Variants in KMT2A observed in about 807,000 individuals in gnomAD.
KMT2A encodes the protein lysine methyltransferase 2A.
A neutral mutation model predicts 345.3 loss-of-function variants in KMT2A; 16 were observed. That is an observed-to-expected ratio of 0.05 (90% CI 0.03 to 0.07). The LOEUF is 0.07. Among genes scored for constraint, KMT2A ranks in the 10% least tolerant of loss-of-function variants. KMT2A has a pLI of 1.00. For synonymous variants in KMT2A, 1,599 were observed against 1,778.6 expected, an observed-to-expected ratio of 0.90 and a Z score of 2.54; for missense variants, 3,272 against 4,841.6, an observed-to-expected ratio of 0.68 and a Z score of 9.62.
chr11:118,501,437 C>T (rs1950498644), intron 25 of KMT2A, among the ~76,000 whole-genome samples: 1 of 151,834 alleles, frequency 6.6e-6, no homozygotes, highest in Admixed American at 6.6e-5. Context: ...CCACTGCCCT[C>T]CAGCCTGGGT....
intron 1 of KMT2A, among the ~76,000 whole-genome samples, chr11:118,452,691 T>C (rs773347246): frequency 4.7e-4 from 70 of 149,958 alleles, no homozygotes; most frequent in Non-Finnish European, 9.3e-4. Flanking sequence ...TGGAGTGCAG[T>C]GGCGCCATCT....
At chr11:118,437,712 A>AGC (rs1314101683) in intron 1 of KMT2A, among the ~76,000 whole-genome samples, 4 of 145,882 alleles carry the variant, frequency 2.7e-5, no homozygotes, top group Non-Finnish European at 4.5e-5. Context: ...TACAGTTTCT[A>AGC]GCCTATTGGT....
At chr11:118,483,610 C>G (rs1453815878) in intron 8 of KMT2A, among the ~76,000 whole-genome samples, 1 of 152,160 alleles carries the variant, frequency 6.6e-6, no homozygotes, top group Admixed American at 6.5e-5. Context: ...TTTGTGGCCC[C>G]ACATGTTCTA....
chr11:118,507,861 G>T, intron 28 of KMT2A: 1 of 379,052 alleles, frequency 2.6e-6, no homozygotes, highest in African/African-American at 2.0e-5. Context: ...CACTCAGGAG[G>T]CTGAGGCAGG....
At chr11:118,467,746 C>T (rs549374911) in intron 1 of KMT2A, among the ~76,000 whole-genome samples, 33 of 152,294 alleles carry the variant, frequency 2.2e-4, no homozygotes, top group African/African-American at 6.7e-4. Context: ...TCTTACCTCT[C>T]GAGAGGAAAA....
In KMT2A at chr11:118,499,392, G is replaced by A; in HGVS notation, c.6051G>A (p.Leu2017=). The part of the protein sequence containing the change: ...ISLRRKFLNG[L]EPENIHMMIG... The stretch of plus-strand genomic sequence containing the variant: ...TGAGAAGGAAGTTTCTCAATGGCTT[G>A]GAACCAGAAAATATCCACATGATGA... Residue 2017 remains leucine, a synonymous_variant, in exon 23 of 36, where the codon TTG becomes TTA. Transcript: ENST00000534358. 6.2e-7 allele frequency: 1 copy of A among 1,609,906 alleles called. No individual in the cohort carries two copies. Among genetic ancestry groups the A allele is most frequent in the Non-Finnish European group, 8.5e-7 (1 of 1,176,116 alleles).
intron 3 of KMT2A, among the ~76,000 whole-genome samples, chr11:118,474,636 T>G (rs1555037020): frequency 1.3e-5 from 2 of 152,230 alleles, no homozygotes; most frequent in Non-Finnish European, 2.9e-5. Context: ...GTTGGGACTA[T>G]ATCACAGAGG....
intron 31 of KMT2A, among the ~76,000 whole-genome samples, chr11:118,519,077 C>CAAAAAAAA (rs11443977): frequency 3.0e-5 from 2 of 66,446 alleles, no homozygotes; most frequent in Admixed American, 2.3e-4. Flanking sequence ...GACTCCATCT[C>CAAAAAAAA]AAAAAAAAAA....
In KMT2A at chr11:118,523,656, T is replaced by A. The variant is rs1357093862; in HGVS notation, c.*1484T>A. On this transcript the variant is annotated 3_prime_UTR_variant, in exon 36 of 36. Transcript: ENST00000534358. ...GGCTATTTTTTAAACCGCGGTATTA[T>A]CCTAATTTAAAAGAAGATCGGTTTT... The A allele has an allele frequency of 1.8e-5, 4 of 228,142 alleles. No individual in the cohort carries two copies. The highest frequency in any genetic ancestry group is 3.5e-5 in the Non-Finnish European group (4 of 114,776). 14.1% of individuals were successfully genotyped at this position (228,142 alleles called of 1,614,324 possible). A position where few individuals can be genotyped will look rare whatever the true frequency, so the allele number is the denominator to read the frequency against.
In KMT2A at chr11:118,495,166, T is replaced by A. The variant is rs1211451107; in HGVS notation, c.5363+399T>A. Among the ~76,000 whole-genome samples, 2 of 146,810 alleles carry A rather than the reference T, an allele frequency of 1.4e-5. No homozygotes were observed. The highest frequency in any genetic ancestry group is 2.6e-5 in the African/African-American group (1 of 39,150). On this transcript the variant is annotated intron_variant, in intron 18 of 35. Transcript: ENST00000534358. The surrounding 1 kb of genome is among the most constrained non-coding windows in gnomAD (Gnocchi z 4.1). ...GATTTGATTTTATTTATTTATTTAT[T>A]TTTTTTTTTTTGAGACGGAGTCTCG...
At position 118,476,800 on chromosome 11, in the gene KMT2A, T is replaced by C; in HGVS notation, c.3157-5T>C. The C allele has an allele frequency of 6.2e-7, 1 of 1,600,228 alleles. No homozygotes were observed. On this transcript the variant is annotated splice_polypyrimidine_tract_variant and splice_region_variant and intron_variant, in intron 3 of 35. Coordinates refer to ENST00000534358, the MANE Select transcript of KMT2A (RefSeq NM_001197104.2). The surrounding 1 kb of genome is among the most constrained non-coding windows in gnomAD (Gnocchi z 4.1). ...GTTATTGTTTTTGGATTGCCTCATA[T>C]TCAGGGTCAAGAAAGTGACTCATCA...
chr11:118,464,827 A>C (rs1392876034), intron 1 of KMT2A, among the ~76,000 whole-genome samples: 4 of 152,232 alleles, frequency 2.6e-5, no homozygotes, highest in African/African-American at 7.2e-5. Flanking sequence ...TCATGGCAAC[A>C]GTTTTTTGGG....
intron 1 of KMT2A, among the ~76,000 whole-genome samples, chr11:118,458,443 A>G (rs1389941915): frequency 6.6e-6 from 1 of 152,132 alleles, no homozygotes; most frequent in Non-Finnish European, 1.5e-5. Flanking sequence ...GTCCCTCAGT[A>G]TTTTCTACTA....
intron 5 of KMT2A, 143 bp downstream of exon 5, chr11:118,478,344 T>C: frequency 1.5e-6 from 1 of 645,174 alleles, no homozygotes; most frequent in East Asian, 2.7e-5. Flanking sequence ...GATTTTGTGG[T>C]GTGGGCTGTG....
intron 6 of KMT2A, among the ~76,000 whole-genome samples, chr11:118,480,819 C>T (rs546599012): frequency 2.6e-5 from 4 of 152,172 alleles, no homozygotes; most frequent in South Asian, 4.2e-4. Context: ...CGCACCACCA[C>T]GCCCAGCTAA....
At position 118,476,436 on chromosome 11, in the gene KMT2A, T is replaced by A. The variant is rs782158657; in HGVS notation, c.3157-369T>A. ...CTGTCACCCAGGGTGGCTCAAGTGA[T>A]CCTCTTGTCCCAGCCTCCTGAGTAG... On this transcript the variant is annotated intron_variant, in intron 3 of 35. Coordinates refer to ENST00000534358, the MANE Select transcript of KMT2A (RefSeq NM_001197104.2). The surrounding 1 kb of genome is among the most constrained non-coding windows in gnomAD (Gnocchi z 4.1). Among the ~76,000 whole-genome samples, 4 of 152,066 alleles carry A rather than the reference T, an allele frequency of 2.6e-5. No homozygotes were observed. The highest frequency in any genetic ancestry group is 5.9e-5 in the Non-Finnish European group (4 of 67,994).
chr11:118,507,684 G>A lies in KMT2A; in HGVS notation c.10835+75G>A, dbSNP rs1950608909. The A allele has an allele frequency of 2.4e-6, 3 of 1,253,448 alleles. No individual in the cohort carries two copies. In the South Asian group the frequency reaches 3.7e-5, roughly 16 times the overall value. The allele number at this position is 1,253,448 out of a possible 1,614,324, so 77.6% of individuals were successfully genotyped here. A position where few individuals can be genotyped will look rare whatever the true frequency, so the allele number is the denominator to read the frequency against. On this transcript the variant is annotated intron_variant, in intron 28 of 35. Transcript: ENST00000534358. ...CTCATTTAAAAAATAGTTCTTCCAG[G>A]CCGGGCGCAGTGGCTCACGCCTGTA...
Position 118,501,001 on chromosome 11 carries a change from A to T in KMT2A, c.6173A>T (p.Tyr2058Phe), listed in dbSNP as rs1950491456. The change falls in exon 25 of 36, where the codon TAC becomes TTC. Residue 2058 changes from tyrosine (Y) to phenylalanine (F), a missense_variant. Tyr to Phe is a conservative substitution (Grantham distance 22, BLOSUM62 3). Coordinates refer to ENST00000534358, the MANE Select transcript of KMT2A (RefSeq NM_001197104.2). ...TGTTTACCCAGGTGTTCCAGGGTAT[A>T]CTGGAGCACCACAGATGCTCGCAAG... ...FPIGYQCSRV[Y>F]WSTTDARKRC... is the part of the protein sequence containing the mutation. The T allele has an allele frequency of 1.2e-6, 2 of 1,612,728 alleles. No homozygotes were observed. Among genetic ancestry groups the T allele is most frequent in the African/African-American group, 2.7e-5 (2 of 74,904 alleles).
At position 118,497,867 on chromosome 11, in the gene KMT2A, G is replaced by A. The variant is rs539306268; in HGVS notation, c.5665-69G>A. ...TCTTGAGGTTATCTTCACTGGAAAA[G>A]CTAATGCCGAGGAAAACCTCCTTTG... On this transcript the variant is annotated intron_variant, in intron 20 of 35. Transcript: ENST00000534358. The surrounding 1 kb of genome is among the most constrained non-coding windows in gnomAD (Gnocchi z 4.8). 9.7e-6 allele frequency: 12 copies of A among 1,232,882 alleles called. No homozygotes were observed. The highest frequency in any genetic ancestry group is 4.0e-4 in the Middle Eastern group (2 of 5,008). The allele number at this position is 1,232,882 out of a possible 1,614,324, so 76.4% of individuals were successfully genotyped here.
Sources: allele counts gnomAD v4.1 joint callset (sites outside exome capture counted in the v4.1 genomes callset), GRCh38; gene constraint gnomAD v4.1.1; non-coding constraint Gnocchi (gnomAD v3.1); transcripts MANE v1.5; gene names NCBI Gene and HGNC (gene_info 2026-07-23, HGNC 2026-07-21).